Variants in SYNE2 observed in about 807,000 individuals in gnomAD.
SYNE2 encodes nesprin-2.
Under a neutral mutation model 856.3 loss-of-function variants are expected in SYNE2, and 431 were observed. That is an observed-to-expected ratio of 0.50 (90% CI 0.47 to 0.55). The LOEUF (loss-of-function observed/expected upper bound fraction) is 0.55, where lower values mean the gene tolerates loss of function less well. Among genes scored for constraint, SYNE2 ranks in the 20% least tolerant of loss-of-function variants. The pLI, the probability that SYNE2 is intolerant of heterozygous loss-of-function variation, is 0.00. For missense variants in SYNE2, 8,129 were observed against 8,023.2 expected (o/e 1.01, Z -0.50); for synonymous variants, 2,923 against 2,872.3 (o/e 1.02, Z -0.56).
chr14:64,109,334 G>A (rs1040932592), intron 65 of SYNE2, among the ~76,000 whole-genome samples: 1 of 151,548 alleles, frequency 6.6e-6, no homozygotes, highest in Non-Finnish European at 1.5e-5. Flanking sequence ...CATTTAATAT[G>A]GGCCAGGTAC....
At chr14:64,219,009 G>A (rs999248878) in intron 109 of SYNE2, among the ~76,000 whole-genome samples, 199 bp from the exon 110 acceptor site, 1 of 151,590 alleles carries the variant, frequency 6.6e-6, no homozygotes, top group Admixed American at 6.6e-5. Flanking sequence ...CTGTGGGAGT[G>A]TACGCCTCAG....
chr14:63,765,391 C>T (rs1326738931), intron 1 of SYNE2, among the ~76,000 whole-genome samples: 2 of 152,170 alleles, frequency 1.3e-5, no homozygotes, highest in Non-Finnish European at 2.9e-5. Flanking sequence ...CTCACTCTGT[C>T]ACCCAGGCTG....
chr14:64,018,635 T>C (rs1380964636), intron 34 of SYNE2, among the ~76,000 whole-genome samples: 1 of 152,206 alleles, frequency 6.6e-6, no homozygotes, highest in Non-Finnish European at 1.5e-5. Context: ...TGTTGGAGAA[T>C]TGAAAACAGC....
rs1419639295 is a variant in SYNE2 at position 63,998,459 on chromosome 14, T to C, written c.3353+131T>C. On this transcript the variant is annotated intron_variant, in intron 26 of 115. Coordinates refer to ENST00000555002, the MANE Select transcript of SYNE2 (RefSeq NM_182914.3). Reference sequence around the variant, plus strand: ...ATATGATCCAGTAACTTAGAAATTCTATGGTATTTTCTCACACGCAGTTGA... The same window carrying C: ...ATATGATCCAGTAACTTAGAAATTCCATGGTATTTTCTCACACGCAGTTGA... The C allele has an allele frequency of 5.6e-5, 37 of 663,458 alleles. No individual in the cohort carries two copies. In the African/African-American group the frequency reaches 6.3e-4, roughly 11 times the overall value. 41.1% of individuals were successfully genotyped at this position (663,458 alleles called of 1,614,324 possible).
chr14:64,022,653 A>G (rs2096944258), intron 37 of SYNE2, 98 bp from the exon 38 acceptor site: 4 of 741,588 alleles, frequency 5.4e-6, no homozygotes, highest in South Asian at 3.0e-5. Context: ...ACAACGATGT[A>G]TATCTATGGC....
intron 52 of SYNE2, 117 bp downstream of exon 52, chr14:64,071,027 A>T: frequency 9.8e-7 from 1 of 1,017,638 alleles, no homozygotes; most frequent in Admixed American, 2.1e-5. Context: ...GTGAGACAAC[A>T]CTGATAGGTA....
At chr14:63,831,549 C>CTTTTTTTT (rs1211983068) in intron 1 of SYNE2, among the ~76,000 whole-genome samples, 4 of 69,552 alleles carry the variant, frequency 5.8e-5, no homozygotes, top group African/African-American at 5.5e-5. Context: ...AATGTTCATT[C>CTTTTTTTT]TTTTTTTTTT....
At chr14:63,899,768 C>T (rs2095310792) in intron 1 of SYNE2, among the ~76,000 whole-genome samples, 1 of 152,200 alleles carries the variant, frequency 6.6e-6, no homozygotes, top group Non-Finnish European at 1.5e-5. Context: ...TCCCACAGTG[C>T]TGGGATTACA....
At chr14:64,140,225 T>C in intron 80 of SYNE2, 152 bp downstream of exon 80, 3 of 698,132 alleles carry the variant, frequency 4.3e-6, no homozygotes, top group Non-Finnish European at 7.5e-6. Flanking sequence ...AACCTAGAAC[T>C]GTTTATACTG....
intron 2 of SYNE2, among the ~76,000 whole-genome samples, chr14:63,918,673 G>A (rs947777560): frequency 6.6e-6 from 1 of 152,188 alleles, no homozygotes; most frequent in Admixed American, 6.5e-5. Flanking sequence ...CTGCTGTCTT[G>A]TCGGGTGGAG....
At chr14:64,014,295 A>G (rs76555096) in intron 32 of SYNE2, among the ~76,000 whole-genome samples, 2,054 of 152,220 alleles carry the variant, frequency 0.013, 48 homozygotes, top group African/African-American at 0.047. Flanking sequence ...GTTCTTTCCA[A>G]TTTTGGACTA....
intron 90 of SYNE2, among the ~76,000 whole-genome samples, chr14:64,166,129 C>T (rs750306848): frequency 2.0e-5 from 3 of 152,148 alleles, no homozygotes; most frequent in Admixed American, 6.5e-5. Context: ...TCCTAGGAAT[C>T]AATATTCATA....
intron 45 of SYNE2, among the ~76,000 whole-genome samples, chr14:64,040,523 T>C (rs2097140089): frequency 6.6e-6 from 1 of 150,660 alleles, no homozygotes; most frequent in African/African-American, 2.4e-5. Flanking sequence ...AGTTAGAATA[T>C]ATGACTGAGA....
intron 1 of SYNE2, among the ~76,000 whole-genome samples, chr14:63,774,237 G>A (rs1887025405): frequency 6.6e-6 from 1 of 152,094 alleles, no homozygotes; most frequent in Non-Finnish European, 1.5e-5. Flanking sequence ...GGGAGGCTGA[G>A]GCGGGCAGAT....
At chr14:63,795,858 T>C (rs1436381896) in intron 1 of SYNE2, among the ~76,000 whole-genome samples, 1 of 152,198 alleles carries the variant, frequency 6.6e-6, no homozygotes, top group Non-Finnish European at 1.5e-5. Context: ...AAACACCTCA[T>C]GCTCTGTGGA....
intron 1 of SYNE2, among the ~76,000 whole-genome samples, chr14:63,802,471 A>G (rs976145324): frequency 6.6e-6 from 1 of 152,132 alleles, no homozygotes; most frequent in African/African-American, 2.4e-5. Context: ...CAGATGAGAC[A>G]TTGGACTTGT....
chr14:64,126,652 G>A lies in SYNE2; in HGVS notation c.13762G>A (p.Asp4588Asn). Residue 4588 changes from aspartate to asparagine, a missense_variant, in exon 73 of 116, where the codon GAT (aspartate) becomes AAT (asparagine). Physicochemically the swap from Asp to Asn is conservative, Grantham distance 23 (BLOSUM62 1). Transcript: ENST00000555002. ...LYLALSDKKG[D>N]LLKAMTWPGE... Reference sequence around the variant, plus strand: ...TTTAGCGCTAAGTGACAAGAAGGGTGATCTTTTGAAAGCCATGACTTGGCC... The same window carrying A: ...TTTAGCGCTAAGTGACAAGAAGGGTAATCTTTTGAAAGCCATGACTTGGCC... 1 of 1,614,218 alleles carries A rather than the reference G, an allele frequency of 6.2e-7. No homozygotes were observed. Among genetic ancestry groups the A allele is most frequent in the Non-Finnish European group, 8.5e-7 (1 of 1,180,032 alleles).
chr14:63,989,929 C>T (rs2096654509), intron 19 of SYNE2, among the ~76,000 whole-genome samples: 1 of 152,208 alleles, frequency 6.6e-6, no homozygotes, highest in African/African-American at 2.4e-5. Flanking sequence ...GGATTACAGG[C>T]GTGAGCCACT....
At chr14:63,780,084 G>A (rs191997356) in intron 1 of SYNE2, among the ~76,000 whole-genome samples, 1 of 152,076 alleles carries the variant, frequency 6.6e-6, no homozygotes, top group African/African-American at 2.4e-5. Context: ...TAAAATCAAT[G>A]ACATTGGAAA....
Sources: allele counts gnomAD v4.1 joint callset (sites outside exome capture counted in the v4.1 genomes callset), GRCh38; gene constraint gnomAD v4.1.1; transcripts MANE v1.5; gene names NCBI Gene and HGNC (gene_info 2026-07-23, HGNC 2026-07-21).